Variants in PRKG1 observed in about 807,000 individuals in gnomAD.
The protein encoded by PRKG1 is cGMP-dependent protein kinase 1.
PRKG1 carries 35 observed loss-of-function variants against 88.1 expected under a neutral mutation model. The observed-to-expected ratio is 0.40, with a 90% CI of 0.30 to 0.53. The LOEUF is 0.53. Among genes scored for constraint, PRKG1 ranks in the 20% least tolerant of loss-of-function variants. The probability of loss-of-function intolerance (pLI) is 0.59; values close to 1 mark genes in which losing one functional copy is unlikely to be tolerated. For missense variants in PRKG1, 540 were observed against 839.8 expected, an observed-to-expected ratio of 0.64 and a Z score of 4.41; for synonymous variants, 303 against 292.5, an observed-to-expected ratio of 1.04 and a Z score of -0.37.
chr10:51,029,776 T>C (rs1233933302), intron 1 of PRKG1, among the ~76,000 whole-genome samples: 1 of 152,168 alleles, frequency 6.6e-6, no homozygotes, highest in Non-Finnish European at 1.5e-5. Context: ...GGCTTTGATA[T>C]GAGTGCAAAA....
intron 2 of PRKG1, among the ~76,000 whole-genome samples, chr10:51,443,016 G>A (rs546961549): frequency 5.3e-5 from 8 of 152,026 alleles, no homozygotes; most frequent in African/African-American, 9.7e-5. Flanking sequence ...GGTCAAAGCC[G>A]TTGTAGTGCC....
intron 17 of PRKG1, among the ~76,000 whole-genome samples, chr10:52,293,202 A>G (rs1422383127): frequency 2.4e-4 from 37 of 151,410 alleles, no homozygotes; most frequent in Non-Finnish European, 4.7e-4. Context: ...TCCAACTTCC[A>G]AGGGATGTGA....
At chr10:51,217,679 A>G (rs1395458863) in intron 2 of PRKG1, among the ~76,000 whole-genome samples, 1 of 152,104 alleles carries the variant, frequency 6.6e-6, no homozygotes, top group East Asian at 1.9e-4. Flanking sequence ...TTCTGGCCTT[A>G]GTTCTGGGCT....
At chr10:52,127,182 G>C (rs1006793660) in intron 7 of PRKG1, among the ~76,000 whole-genome samples, 1 of 152,138 alleles carries the variant, frequency 6.6e-6, no homozygotes, top group Non-Finnish European at 1.5e-5. Flanking sequence ...ACACAAGAGA[G>C]ATGGGGAAGA....
At chr10:51,957,219 C>CCT (rs1379755803) in intron 5 of PRKG1, among the ~76,000 whole-genome samples, 1 of 137,384 alleles carries the variant, frequency 7.3e-6, no homozygotes, top group East Asian at 2.4e-4. Context: ...ACCTCCCTCT[C>CCT]CTCTCTCTCT....
intron 3 of PRKG1, among the ~76,000 whole-genome samples, chr10:51,747,332 G>A (rs1837607214): frequency 6.6e-6 from 1 of 152,150 alleles, no homozygotes; most frequent in Non-Finnish European, 1.5e-5. Context: ...TTGACTCTGG[G>A]CACTCTCAGG....
chr10:51,094,969 A>T (rs754159981), intron 1 of PRKG1, among the ~76,000 whole-genome samples: 2 of 152,168 alleles, frequency 1.3e-5, no homozygotes, highest in African/African-American at 4.8e-5. Context: ...CGTAGTATAC[A>T]AATAAAAGCT....
intron 4 of PRKG1, among the ~76,000 whole-genome samples, chr10:51,829,402 T>C (rs10823675): frequency 0.21 from 31,887 of 152,158 alleles, 5,366 homozygotes; most frequent in African/African-American, 0.47. Flanking sequence ...GGATTACTGG[T>C]GGCTACCTTA....
intron 3 of PRKG1, among the ~76,000 whole-genome samples, chr10:51,777,461 AT>A (rs1286392699): frequency 6.6e-6 from 1 of 152,004 alleles, no homozygotes; most frequent in Admixed American, 6.6e-5. Flanking sequence ...AATAGACTTT[AT>A]TTTTTAGGGT....
At chr10:51,869,117 A>C (rs1589374214) in intron 4 of PRKG1, among the ~76,000 whole-genome samples, 2 of 152,188 alleles carry the variant, frequency 1.3e-5, no homozygotes, top group South Asian at 4.1e-4. Context: ...ATGAATATTC[A>C]GCTTTAGTGT....
At chr10:51,956,831 C>A (rs1169250378) in intron 5 of PRKG1, among the ~76,000 whole-genome samples, 4 of 152,022 alleles carry the variant, frequency 2.6e-5, no homozygotes, top group Admixed American at 6.6e-5. Flanking sequence ...TCATCAAATT[C>A]TTTATGTACT....
intron 1 of PRKG1, among the ~76,000 whole-genome samples, chr10:51,132,459 T>C (rs1845588647): frequency 6.6e-6 from 1 of 152,110 alleles, no homozygotes; most frequent in African/African-American, 2.4e-5. Flanking sequence ...TCTTACATGT[T>C]ACAAATGTCA....
At chr10:52,255,600 T>TA (rs2132407675) in intron 10 of PRKG1, among the ~76,000 whole-genome samples, 1 of 152,080 alleles carries the variant, frequency 6.6e-6, no homozygotes, top group East Asian at 1.9e-4. Flanking sequence ...TGATTGAAGA[T>TA]AAAAAATTTA....
intron 5 of PRKG1, among the ~76,000 whole-genome samples, chr10:51,978,956 TC>T (rs1350835333): frequency 6.6e-6 from 1 of 152,166 alleles, no homozygotes; most frequent in African/African-American, 2.4e-5. Context: ...TTTATTTCTT[TC>T]TCTTGCCTGA....
At chr10:51,939,311 G>A (rs1052493769) in intron 5 of PRKG1, among the ~76,000 whole-genome samples, 1 of 151,810 alleles carries the variant, frequency 6.6e-6, no homozygotes, top group Non-Finnish European at 1.5e-5. Flanking sequence ...TGTCACATAC[G>A]GCCAAATTGA....
At chr10:51,900,852 T>C (rs1371548202) in intron 4 of PRKG1, among the ~76,000 whole-genome samples, 2 of 152,168 alleles carry the variant, frequency 1.3e-5, no homozygotes, top group African/African-American at 4.8e-5. Flanking sequence ...ACCATTCAAA[T>C]GATTTTGCTT....
chr10:52,058,375 A>G (rs1846159431), intron 6 of PRKG1, among the ~76,000 whole-genome samples: 1 of 152,078 alleles, frequency 6.6e-6, no homozygotes, highest in South Asian at 2.1e-4. Context: ...GAAAAAAATC[A>G]CATTATCATG....
intron 7 of PRKG1, among the ~76,000 whole-genome samples, chr10:52,071,876 C>A (rs1846504324): frequency 6.6e-6 from 1 of 152,300 alleles, no homozygotes; most frequent in Non-Finnish European, 1.5e-5. Context: ...GAATTCAGTT[C>A]TTCCAGTTAC....
chr10:52,099,418 A>C (rs1847246181), intron 7 of PRKG1, among the ~76,000 whole-genome samples: 1 of 152,202 alleles, frequency 6.6e-6, no homozygotes, highest in Non-Finnish European at 1.5e-5. Context: ...TCCCTGTGAT[A>C]AGTCTTAGAA....
Sources: allele counts gnomAD v4.1 joint callset (sites outside exome capture counted in the v4.1 genomes callset), GRCh38; gene constraint gnomAD v4.1.1; transcripts MANE v1.5; gene names NCBI Gene and HGNC (gene_info 2026-07-23, HGNC 2026-07-21).